The following ALK variants were observed in gnomAD, a reference collection of about 807,000 sequenced individuals.
ALK encodes ALK receptor tyrosine kinase.
Under a neutral mutation model 163.1 loss-of-function variants are expected in ALK, and 74 were observed. The ratio of observed to expected loss-of-function variants is 0.45; its 90% confidence interval spans 0.38 to 0.55. The LOEUF (loss-of-function observed/expected upper bound fraction) is 0.55. Ranked by LOEUF, ALK falls within the 20% of genes least tolerant of loss-of-function variation. ALK has a pLI of 0.00. For synonymous variants in ALK, 960 were observed against 843.2 expected (o/e 1.14, Z -2.40); for missense variants, 2,063 against 2,105.3 (o/e 0.98, Z 0.39).
intron 4 of ALK, among the ~76,000 whole-genome samples, chr2:29,483,849 C>T (rs1299286183): frequency 2.0e-5 from 3 of 151,988 alleles, no homozygotes; most frequent in African/African-American, 4.8e-5. Context: ...TATATTAGTC[C>T]GTTCTCAAAC....
chr2:29,577,527 C>T (rs774166775), intron 3 of ALK, among the ~76,000 whole-genome samples: 3 of 152,098 alleles, frequency 2.0e-5, no homozygotes, highest in African/African-American at 7.2e-5. Flanking sequence ...TAAGTCTACA[C>T]GGAGGAGATC....
At chr2:29,387,523 C>T (rs973572901) in intron 4 of ALK, among the ~76,000 whole-genome samples, 10 of 152,094 alleles carry the variant, frequency 6.6e-5, no homozygotes, top group Admixed American at 2.6e-4. Flanking sequence ...GGATTCCGGT[C>T]GTGGATTTGC....
At chr2:29,244,751 C>T (rs1360551254) in intron 12 of ALK, among the ~76,000 whole-genome samples, 2 of 152,250 alleles carry the variant, frequency 1.3e-5, no homozygotes, top group East Asian at 1.9e-4. Flanking sequence ...CCATCTCTGA[C>T]ATTCCCTGGT....
At chr2:29,407,347 T>G (rs1403929780) in intron 4 of ALK, among the ~76,000 whole-genome samples, 8 of 152,272 alleles carry the variant, frequency 5.3e-5, no homozygotes, top group African/African-American at 1.9e-4. Flanking sequence ...TAACATTTAT[T>G]GAACTCTTAT....
chr2:29,462,488 G>C (rs903272843), intron 4 of ALK, among the ~76,000 whole-genome samples: 12 of 152,156 alleles, frequency 7.9e-5, no homozygotes, highest in African/African-American at 2.9e-4. Context: ...ATTGAGGTCA[G>C]ACCTGCCACG....
At chr2:29,222,312 G>A (rs2148168400) in intron 22 of ALK, 32 bp downstream of exon 22, 2 of 1,606,904 alleles carry the variant, frequency 1.2e-6, no homozygotes, top group South Asian at 1.1e-5. Context: ...GCAGAGGGGA[G>A]TTGGGGTGAG....
intron 1 of ALK, among the ~76,000 whole-genome samples, chr2:29,733,845 G>A (rs532431388): frequency 7.2e-5 from 11 of 152,226 alleles, no homozygotes; most frequent in Non-Finnish European, 1.5e-4. Flanking sequence ...TGCAGGCAGC[G>A]ACAGGAGGGG....
chr2:29,534,119 C>T (rs186891770), intron 3 of ALK, among the ~76,000 whole-genome samples: 127 of 152,064 alleles, frequency 8.4e-4, no homozygotes, highest in African/African-American at 3.0e-3. Flanking sequence ...TGCTTCTTGG[C>T]TGAAGATTTC....
chr2:29,228,250 C>T (rs1318737464), intron 16 of ALK, among the ~76,000 whole-genome samples: 1 of 152,216 alleles, frequency 6.6e-6, no homozygotes, highest in Non-Finnish European at 1.5e-5. Context: ...AAAACACAGA[C>T]ACGAACACCA....
intron 3 of ALK, among the ~76,000 whole-genome samples, chr2:29,671,134 T>G: frequency 6.6e-6 from 1 of 152,036 alleles, no homozygotes; most frequent in Admixed American, 6.6e-5. Flanking sequence ...GCCTGTTTTG[T>G]TTTTTATTGG....
intron 12 of ALK, among the ~76,000 whole-genome samples, chr2:29,249,654 C>T (rs1664766855): frequency 6.6e-6 from 1 of 152,170 alleles, no homozygotes; most frequent in Admixed American, 6.5e-5. Context: ...CATGGGAACA[C>T]CAATAATAAT....
At chr2:29,889,742 AG>A (rs1558535372) in intron 1 of ALK, among the ~76,000 whole-genome samples, 6 of 120,476 alleles carry the variant, frequency 5.0e-5, no homozygotes, top group African/African-American at 1.8e-4. Context: ...AGAGAGAGAG[AG>A]AGAGAGAGAG....
At chr2:29,244,101 C>T (rs1391698103) in intron 12 of ALK, among the ~76,000 whole-genome samples, 3 of 152,202 alleles carry the variant, frequency 2.0e-5, no homozygotes, top group African/African-American at 7.2e-5. Context: ...TCCACAGTGT[C>T]CACACACACG....
At chr2:29,512,249 T>C (rs1178926808) in intron 4 of ALK, among the ~76,000 whole-genome samples, 1 of 151,818 alleles carries the variant, frequency 6.6e-6, no homozygotes, top group African/African-American at 2.4e-5. Flanking sequence ...AAATCCTCAA[T>C]AAAATACTGG....
intron 4 of ALK, among the ~76,000 whole-genome samples, chr2:29,479,709 A>G (rs1197581007): frequency 6.6e-6 from 1 of 152,192 alleles, no homozygotes; most frequent in African/African-American, 2.4e-5. Context: ...ACAGGGGGAC[A>G]TGGGGCAGCT....
chr2:29,778,559 G>C (rs534403415), intron 1 of ALK, among the ~76,000 whole-genome samples: 1 of 152,308 alleles, frequency 6.6e-6, no homozygotes, highest in African/African-American at 2.4e-5. Context: ...ACACGTGCAT[G>C]CATGTGTGCA....
At chr2:29,439,793 G>A (rs1222193756) in intron 4 of ALK, among the ~76,000 whole-genome samples, 2 of 152,032 alleles carry the variant, frequency 1.3e-5, no homozygotes, top group Non-Finnish European at 2.9e-5. Flanking sequence ...AAAGACTGAC[G>A]GCCACCACCA....
intron 8 of ALK, among the ~76,000 whole-genome samples, chr2:29,305,326 C>T (rs967575569): frequency 6.6e-6 from 1 of 152,104 alleles, no homozygotes; most frequent in African/African-American, 2.4e-5. Context: ...AGAGAGAGAC[C>T]CCGTGAGCAG....
At chr2:29,240,098 AG>A (rs1664483721) in intron 12 of ALK, among the ~76,000 whole-genome samples, 1 of 149,394 alleles carries the variant, frequency 6.7e-6, no homozygotes, top group Non-Finnish European at 1.5e-5. Context: ...GGAAAAGGGC[AG>A]GGAGGAGGGA....
Sources: allele counts gnomAD v4.1 joint callset (sites outside exome capture counted in the v4.1 genomes callset), GRCh38; gene constraint gnomAD v4.1.1; transcripts MANE v1.5; gene names NCBI Gene and HGNC (gene_info 2026-07-23, HGNC 2026-07-21).